Variants in JHY observed in about 807,000 individuals in gnomAD.
JHY encodes the protein jhy protein homolog.
Under a neutral mutation model 78.0 loss-of-function variants are expected in JHY, and 69 were observed. The ratio of observed to expected loss-of-function variants is 0.88; its 90% CI spans 0.73 to 1.08. JHY has a LOEUF of 1.08. JHY is among the 50% of genes least tolerant of loss of function. JHY has a pLI of 0.00. For missense variants in JHY, 944 were observed against 927.8 expected (o/e 1.02, Z -0.23); for synonymous variants, 368 against 342.6 (o/e 1.07, Z -0.82).
intron 4 of JHY, among the ~76,000 whole-genome samples, chr11:122,927,707 T>C (rs1863538720): frequency 6.6e-6 from 1 of 151,524 alleles, no homozygotes; most frequent in Non-Finnish European, 1.5e-5. Context: ...GCTGCCTGTG[T>C]TTCTTTTTCT....
At chr11:122,884,541 C>T (rs1862454213) in intron 1 of JHY, among the ~76,000 whole-genome samples, 1 of 152,136 alleles carries the variant, frequency 6.6e-6, no homozygotes, top group African/African-American at 2.4e-5. Flanking sequence ...AACATCATGT[C>T]CGTTCGGTCC....
intron 3 of JHY, among the ~76,000 whole-genome samples, chr11:122,923,813 G>T (rs1349254729): frequency 2.0e-5 from 3 of 151,012 alleles, no homozygotes; most frequent in Non-Finnish European, 4.4e-5. Context: ...CGCCTCCCAG[G>T]TTTAAGCAGT....
chr11:122,916,544 A>G (rs1863237946), intron 3 of JHY, among the ~76,000 whole-genome samples: 1 of 152,176 alleles, frequency 6.6e-6, no homozygotes, highest in Non-Finnish European at 1.5e-5. Context: ...TGATTTCTTG[A>G]TAGCAAAGTA....
intron 2 of JHY, among the ~76,000 whole-genome samples, chr11:122,891,776 A>G (rs184635808): frequency 2.8e-3 from 423 of 152,312 alleles, no homozygotes; most frequent in Admixed American, 4.5e-3. Context: ...TGAGAGCTGT[A>G]TAGGTATACG....
At chr11:122,902,683 C>T (rs958160008) in intron 2 of JHY, among the ~76,000 whole-genome samples, 4 of 152,082 alleles carry the variant, frequency 2.6e-5, no homozygotes, top group African/African-American at 7.2e-5. Flanking sequence ...AGGCCTCTTA[C>T]GGCAGAGCAG....
At chr11:122,899,800 C>G (rs374796483) in intron 2 of JHY, among the ~76,000 whole-genome samples, 2 of 152,278 alleles carry the variant, frequency 1.3e-5, no homozygotes, top group East Asian at 3.9e-4. Context: ...GAATTTATCC[C>G]GATTTATAGA....
At chr11:122,907,586 T>G (rs2135313902) in intron 3 of JHY, among the ~76,000 whole-genome samples, 1 of 152,290 alleles carries the variant, frequency 6.6e-6, no homozygotes, top group South Asian at 2.1e-4. Flanking sequence ...GGCTCACGCC[T>G]GTAATCCTAG....
intron 5 of JHY, among the ~76,000 whole-genome samples, chr11:122,939,909 T>C (rs1233990695): frequency 6.6e-6 from 1 of 151,972 alleles, no homozygotes; most frequent in Non-Finnish European, 1.5e-5. Context: ...CAATATCATG[T>C]AGTATCAGTA....
At chr11:122,926,571 G>C (rs1863512439) in intron 4 of JHY, among the ~76,000 whole-genome samples, 1 of 152,224 alleles carries the variant, frequency 6.6e-6, no homozygotes, top group African/African-American at 2.4e-5. Context: ...GCCATACCTA[G>C]AAGTTGAGAG....
intron 3 of JHY, among the ~76,000 whole-genome samples, chr11:122,916,147 A>G (rs569842470): frequency 5.9e-4 from 90 of 152,240 alleles, no homozygotes; most frequent in African/African-American, 2.0e-3. Context: ...AGTTAGTAAA[A>G]ATGTGTTGTA....
In JHY at chr11:122,951,530, G is replaced by A. The variant is rs969050062; in HGVS notation, c.1929+4738G>A. Among the ~76,000 whole-genome samples, 4 of 152,208 alleles carry A rather than the reference G, an allele frequency of 2.6e-5. No homozygotes were observed. The East Asian group carries it at 7.7e-4, about 29-fold the overall frequency. Reference sequence around the variant, plus strand: ...AGTGTTTGAGGCATTGTTTTTTGTCGTGTTTTTCAGTAACTTTCTCACACT... The same window carrying A: ...AGTGTTTGAGGCATTGTTTTTTGTCATGTTTTTCAGTAACTTTCTCACACT... On this transcript the variant is annotated intron_variant, in intron 6 of 8. Transcript: ENST00000227349.
intron 3 of JHY, among the ~76,000 whole-genome samples, chr11:122,915,773 C>T (rs1016651471): frequency 2.6e-5 from 4 of 152,070 alleles, no homozygotes; most frequent in African/African-American, 9.7e-5. Flanking sequence ...CTCAGCCTCC[C>T]GAAGTGATGG....
Position 122,960,925 on chromosome 11 carries a change from A to G in JHY, c.*1480A>G, listed in dbSNP as rs1220110313. Reference sequence around the variant, plus strand: ...TATAAGGAAGTAAAGAATCGCCTGGACTATCATATATCTGTGCAGAACATG... The same window carrying G: ...TATAAGGAAGTAAAGAATCGCCTGGGCTATCATATATCTGTGCAGAACATG... On this transcript the variant is annotated 3_prime_UTR_variant, in exon 9 of 9. Coordinates refer to ENST00000227349, the MANE Select transcript of JHY (RefSeq NM_024806.4). 3 of 711,338 alleles carry G rather than the reference A, an allele frequency of 4.2e-6. No individual in the cohort carries two copies. In the African/African-American group the frequency reaches 5.2e-5, roughly 12 times the overall value. The allele number at this position is 711,338 out of a possible 1,614,324, so 44.1% of individuals were successfully genotyped here.
Position 122,959,495 on chromosome 11 carries a change from A to G in JHY, c.*50A>G, listed in dbSNP as rs1864265044. The G allele has an allele frequency of 6.4e-7, 1 of 1,560,044 alleles. No individual in the cohort carries two copies. Among genetic ancestry groups the G allele is most frequent in the Non-Finnish European group, 8.8e-7 (1 of 1,137,560 alleles). ...AAAAATGGTCCAGGAATGAACGTGG[A>G]GAAAAGAAACGCCAACCACCTTCTC... On this transcript the variant is annotated 3_prime_UTR_variant, in exon 9 of 9. Coordinates refer to ENST00000227349, the MANE Select transcript of JHY (RefSeq NM_024806.4).
intron 2 of JHY, among the ~76,000 whole-genome samples, chr11:122,899,769 T>C (rs906256224): frequency 6.6e-6 from 1 of 152,188 alleles, no homozygotes; most frequent in African/African-American, 2.4e-5. Context: ...CCTCATTCAG[T>C]CCTGAGAAAT....
intron 4 of JHY, among the ~76,000 whole-genome samples, chr11:122,930,568 G>T (rs1397704631): frequency 1.3e-5 from 2 of 152,208 alleles, no homozygotes; most frequent in African/African-American, 2.4e-5. Flanking sequence ...TACTGAGAAT[G>T]ATGGTCATCA....
intron 2 of JHY, among the ~76,000 whole-genome samples, chr11:122,888,524 G>A (rs1035192129): frequency 1.3e-5 from 2 of 151,874 alleles, no homozygotes; most frequent in African/African-American, 4.8e-5. Context: ...TGTCCTTGTT[G>A]TGTTACTGAT....
chr11:122,901,249 C>T (rs1326667342), intron 2 of JHY, among the ~76,000 whole-genome samples: 2 of 152,216 alleles, frequency 1.3e-5, no homozygotes, highest in African/African-American at 2.4e-5. Context: ...TATATAGGCA[C>T]TCACCATGAA....
chr11:122,925,825 G>A (rs1045502469), intron 4 of JHY, among the ~76,000 whole-genome samples: 8 of 151,978 alleles, frequency 5.3e-5, no homozygotes, highest in African/African-American at 1.4e-4. Context: ...AGACCAGCCC[G>A]GCCAATATGG....
Sources: gnomAD v4.1 joint callset for allele counts (sites outside exome capture counted in the v4.1 genomes callset) on GRCh38, gnomAD v4.1.1 for gene constraint, MANE v1.5 for transcripts, NCBI Gene and HGNC (gene_info 2026-07-23, HGNC 2026-07-21) for gene names.